The following FOCAD variants were observed in gnomAD, a reference collection of about 807,000 sequenced individuals.
FOCAD encodes KIAA1797.
In FOCAD, 198 loss-of-function variants were observed where a neutral mutation model predicts 225.6. That is an observed-to-expected ratio of 0.88 (90% CI 0.78 to 0.99). The LOEUF (loss-of-function observed/expected upper bound fraction) is 0.99. FOCAD is among the 50% of genes least tolerant of loss of function. FOCAD has a pLI of 0.00. For missense variants in FOCAD, 2,713 were observed against 2,123.6 expected, an observed-to-expected ratio of 1.28 and a Z score of -5.46; for synonymous variants, 897 against 755.0, an observed-to-expected ratio of 1.19 and a Z score of -3.08.
At chr9:20,984,841 C>T (rs1226732471) in intron 39 of FOCAD, among the ~76,000 whole-genome samples, 2 of 152,160 alleles carry the variant, frequency 1.3e-5, no homozygotes, top group Admixed American at 6.5e-5. Context: ...CACTTTGTCT[C>T]CCAGCCTGGA....
At chr9:20,866,830 G>A (rs1054875704) in intron 17 of FOCAD, 99 bp from the exon 18 acceptor site, 1 of 673,524 alleles carries the variant, frequency 1.5e-6, no homozygotes, top group Non-Finnish European at 2.3e-6. Flanking sequence ...GTGAGGGAAG[G>A]TTTCTTTCCC....
At chr9:20,959,088 T>A (rs1838464664) in intron 35 of FOCAD, among the ~76,000 whole-genome samples, 2 of 152,178 alleles carry the variant, frequency 1.3e-5, no homozygotes, top group Admixed American at 1.3e-4. Context: ...TAGTTCTATT[T>A]TTAGTTTTCT....
chr9:20,963,027 C>G (rs972013485), intron 35 of FOCAD, among the ~76,000 whole-genome samples: 2 of 152,148 alleles, frequency 1.3e-5, no homozygotes, highest in Non-Finnish European at 2.9e-5. Flanking sequence ...CATACCTCCT[C>G]CAGAATGCAT....
In FOCAD at chr9:20,946,715, A is replaced by G. The variant is rs748512563; in HGVS notation, c.3570A>G (p.Thr1190=). Reference sequence around the variant, plus strand: ...TTTCTTCTCAGGTCCTTGCCTACACACTTAGCTGTGTATGTACATCAGCGT... The same window carrying G: ...TTTCTTCTCAGGTCCTTGCCTACACGCTTAGCTGTGTATGTACATCAGCGT... ...SRTFQEVLAY[T]LSCVCTSAFS... Residue 1190 remains threonine (T), a synonymous_variant, in exon 30 of 44, where the codon ACA becomes ACG. Coordinates refer to ENST00000338382, the MANE Select transcript of FOCAD (RefSeq NM_001375567.1). The G allele has an allele frequency of 1.2e-6, 2 of 1,613,316 alleles. No homozygotes were observed. The highest frequency in any genetic ancestry group is 2.2e-5 in the South Asian group (2 of 91,014).
chr9:20,844,771 T>G (rs1205350384), intron 15 of FOCAD, among the ~76,000 whole-genome samples: 1 of 152,112 alleles, frequency 6.6e-6, no homozygotes, highest in African/African-American at 2.4e-5. Flanking sequence ...TCTGAGAATA[T>G]CAGTAAAATT....
chr9:20,948,316 T>C lies in FOCAD; in HGVS notation c.3721T>C (p.Ser1241Pro). 6.2e-7 allele frequency: 1 copy of C among 1,612,656 alleles called. No homozygotes were observed. Among genetic ancestry groups the C allele is most frequent in the Non-Finnish European group, 8.5e-7 (1 of 1,178,962 alleles). ...TTTAGGAAACATAGTTCATGGATTG[T>C]CTGTGTGTGGACATGGAAAAGCTGA... ...LALGNIVHGL[S>P]VCGHGKAEDL... is the part of the protein sequence containing the mutation. The change falls in exon 31 of 44, where the codon TCT becomes CCT. Residue 1241 changes from serine to proline, a missense_variant. Coordinates refer to ENST00000338382, the MANE Select transcript of FOCAD (RefSeq NM_001375567.1).
intron 15 of FOCAD, among the ~76,000 whole-genome samples, chr9:20,844,885 C>T (rs1261071595): frequency 6.6e-6 from 1 of 151,706 alleles, no homozygotes; most frequent in East Asian, 1.9e-4. Context: ...TTTTCCTATC[C>T]CTTAGGTTTG....
intron 28 of FOCAD, among the ~76,000 whole-genome samples, chr9:20,935,806 A>G (rs1835891839): frequency 1.3e-5 from 2 of 152,248 alleles, no homozygotes; most frequent in South Asian, 4.1e-4. Context: ...CCTAAGAAGT[A>G]GAAATGGAAG....
intron 27 of FOCAD, among the ~76,000 whole-genome samples, chr9:20,931,905 A>T: frequency 6.9e-6 from 1 of 145,888 alleles, no homozygotes; most frequent in African/African-American, 2.5e-5. Context: ...TCTATCTCAA[A>T]AAAAAAAAAA....
At chr9:20,725,506 G>A (rs543926225) in intron 4 of FOCAD, among the ~76,000 whole-genome samples, 2 of 152,308 alleles carry the variant, frequency 1.3e-5, no homozygotes, top group South Asian at 4.1e-4. Context: ...AGAGAATGTA[G>A]CTTATTGAAT....
intron 1 of FOCAD, among the ~76,000 whole-genome samples, chr9:20,696,328 C>T (rs370532585): frequency 1.3e-5 from 2 of 152,156 alleles, no homozygotes; most frequent in East Asian, 1.9e-4. Flanking sequence ...CAAGTGTTCT[C>T]ACCATACAGA....
chr9:20,969,199 T>G (rs965607924), intron 35 of FOCAD, among the ~76,000 whole-genome samples: 36 of 152,314 alleles, frequency 2.4e-4, no homozygotes, highest in African/African-American at 8.7e-4. Context: ...GTGGTAAGTC[T>G]TAGAGAATGT....
upstream of FOCAD, among the ~76,000 whole-genome samples, chr9:20,656,466 T>C (rs1350850887): frequency 6.6e-6 from 1 of 152,196 alleles, no homozygotes; most frequent in African/African-American, 2.4e-5. Flanking sequence ...TGCTCCTGTA[T>C]TGGGTGTATA....
chr9:20,971,549 C>T (rs957483738), intron 35 of FOCAD, among the ~76,000 whole-genome samples: 2 of 152,038 alleles, frequency 1.3e-5, no homozygotes, highest in East Asian at 1.9e-4. Context: ...AAGCAATTCT[C>T]CTGCCCCAGC....
chr9:20,917,761 A>C (rs553315101), intron 24 of FOCAD, among the ~76,000 whole-genome samples: 3 of 152,208 alleles, frequency 2.0e-5, no homozygotes, highest in Non-Finnish European at 4.4e-5. Flanking sequence ...TTCATGTCAC[A>C]AAACCTTCTG....
At chr9:20,698,810 G>T (rs561278132) in intron 1 of FOCAD, among the ~76,000 whole-genome samples, 1 of 152,132 alleles carries the variant, frequency 6.6e-6, no homozygotes, top group African/African-American at 2.4e-5. Context: ...TATCTGCATA[G>T]TCCTTAGTTT....
At chr9:20,755,939 T>C (rs145491902) in intron 5 of FOCAD, among the ~76,000 whole-genome samples, 2 of 152,132 alleles carry the variant, frequency 1.3e-5, no homozygotes, top group African/African-American at 4.8e-5. Flanking sequence ...GGATTACAGG[T>C]GTGAATCACT....
intron 21 of FOCAD, among the ~76,000 whole-genome samples, chr9:20,886,513 G>A (rs1043404281): frequency 1.3e-5 from 2 of 152,138 alleles, no homozygotes; most frequent in African/African-American, 4.8e-5. Context: ...TTAGTGCAGG[G>A]GATGGCAGAA....
chr9:20,837,557 A>AG (rs1037918156), intron 15 of FOCAD, among the ~76,000 whole-genome samples: 5 of 150,584 alleles, frequency 3.3e-5, no homozygotes, highest in African/African-American at 4.9e-5. Context: ...TTTTTTTGGG[A>AG]GGGGGGTTGG....
Sources: allele counts gnomAD v4.1 joint callset (sites outside exome capture counted in the v4.1 genomes callset), GRCh38; gene constraint gnomAD v4.1.1; transcripts MANE v1.5; gene names NCBI Gene and HGNC (gene_info 2026-07-23, HGNC 2026-07-21).